Variants in MCMBP observed in about 807,000 individuals in gnomAD.
MCMBP encodes minichromosome maintenance complex binding protein, also known as mini-chromosome maintenance complex-binding protein.
MCMBP carries 31 observed loss-of-function variants against 81.3 expected under a neutral mutation model. That is an observed-to-expected ratio of 0.38 (90% CI 0.29 to 0.51). The LOEUF is 0.51. MCMBP is among the 20% of genes least tolerant of loss of function. The probability of loss-of-function intolerance (pLI) is 0.87; values close to 1 mark genes in which losing one functional copy is unlikely to be tolerated. For missense variants in MCMBP, 645 were observed against 772.1 expected (o/e 0.84, Z 1.95); for synonymous variants, 267 against 275.9 (o/e 0.97, Z 0.32).
rs374828716 is a variant in MCMBP at position 119,831,570 on chromosome 10, C to T, written c.1827G>A (p.Thr609=). 8.1e-6 allele frequency: 13 copies of T among 1,613,892 alleles called. No individual in the cohort carries two copies. In the East Asian group the frequency reaches 1.6e-4, roughly 19 times the overall value. The change falls in exon 16 of 16, where the codon ACG becomes ACA. Residue 609 remains threonine (T), a synonymous_variant. Transcript: ENST00000369077. ...CTCTCAGCCATCGTTCTCTTGACAG[C>T]GTTGTCTGACCAGCACTGAGAGACA... is the stretch of plus-strand genomic sequence containing the variant. ...RCLSLSAGQT[T]LSRERWLRAK...
chr10:119,849,646 G>A, intron 6 of MCMBP, 70 bp from the exon 7 acceptor site: 2 of 1,418,388 alleles, frequency 1.4e-6, no homozygotes, highest in Non-Finnish European at 1.9e-6. Context: ...CATTCCATAA[G>A]TGCCTTTCAA....
chr10:119,840,691 A>G, intron 11 of MCMBP, 152 bp downstream of exon 11: 1 of 497,516 alleles, frequency 2.0e-6, no homozygotes, highest in Non-Finnish European at 3.4e-6. Flanking sequence ...AGGGGAACGT[A>G]CATTTTAAAT....
intron 10 of MCMBP, 132 bp from the exon 11 acceptor site, chr10:119,841,092 T>C (rs1286199783): frequency 3.0e-6 from 2 of 663,278 alleles, no homozygotes; most frequent in East Asian, 2.7e-5. Context: ...AGTTATTTTA[T>C]CAGAATAACA....
intron 5 of MCMBP, among the ~76,000 whole-genome samples, chr10:119,855,685 G>C (rs1853012582): frequency 1.3e-5 from 2 of 151,796 alleles, no homozygotes; most frequent in South Asian, 4.2e-4. Context: ...AAAAAAAAAG[G>C]CTAGAAAAAG....
chr10:119,836,973 C>T lies in MCMBP; in HGVS notation c.1465G>A (p.Asp489Asn). ...NLITWQKVDY[D>N]FSYHQMEFPC... Reference sequence around the variant, plus strand: ...AATTCCATCTGATGGTAGCTGAAGTCATAATCCACCTTCTGCCACGTTATG... The same window carrying T: ...AATTCCATCTGATGGTAGCTGAAGTTATAATCCACCTTCTGCCACGTTATG... The change falls in exon 13 of 16, where the codon GAC (aspartate) becomes AAC (asparagine). Residue 489 changes from aspartate to asparagine, a missense_variant. Asp to Asn is a conservative substitution (Grantham distance 23, BLOSUM62 1). Coordinates refer to ENST00000369077, the MANE Select transcript of MCMBP (RefSeq NM_001256378.2). 6.2e-7 allele frequency: 1 copy of T among 1,613,748 alleles called. No homozygotes were observed. Among genetic ancestry groups the T allele is most frequent in the Non-Finnish European group, 8.5e-7 (1 of 1,179,844 alleles).
At chr10:119,871,356 T>C (rs1853664758) in intron 1 of MCMBP, among the ~76,000 whole-genome samples, 1 of 151,950 alleles carries the variant, frequency 6.6e-6, no homozygotes, top group Non-Finnish European at 1.5e-5. Context: ...TTTTTTTTTT[T>C]CAAGTATGAA....
At chr10:119,847,478 G>A (rs1438622920) in intron 8 of MCMBP, 135 bp downstream of exon 8, 9 of 488,034 alleles carry the variant, frequency 1.8e-5, no homozygotes, top group Non-Finnish European at 3.2e-5. Flanking sequence ...CAAAACACAT[G>A]GGGTGCAAGT....
chr10:119,868,421 G>A (rs546256990), intron 1 of MCMBP, among the ~76,000 whole-genome samples: 139 of 152,236 alleles, frequency 9.1e-4, no homozygotes, highest in African/African-American at 3.1e-3. Flanking sequence ...GCAAGACACT[G>A]ACTCCAGAAA....
intron 6 of MCMBP, among the ~76,000 whole-genome samples, chr10:119,850,136 C>T (rs1852756162): frequency 6.6e-6 from 1 of 152,160 alleles, no homozygotes; most frequent in African/African-American, 2.4e-5. Flanking sequence ...TATAGCCTGC[C>T]ATACCACGAA....
chr10:119,869,511 G>A (rs1044941773), intron 1 of MCMBP, among the ~76,000 whole-genome samples: 21 of 151,350 alleles, frequency 1.4e-4, no homozygotes, highest in African/African-American at 5.1e-4. Context: ...GGCAGAGGCT[G>A]CAGTGAGCCA....
intron 12 of MCMBP, 118 bp from the exon 13 acceptor site, chr10:119,837,147 C>T (rs965126379): frequency 1.4e-5 from 14 of 1,029,808 alleles, no homozygotes; most frequent in East Asian, 2.5e-5. Flanking sequence ...GGGTATGAGG[C>T]GCTGTCCAGT....
In MCMBP at chr10:119,850,566, G is replaced by A. The variant is rs940015761; in HGVS notation, c.575-990C>T. Among the ~76,000 whole-genome samples the A allele has an allele frequency of 1.4e-4, 21 of 151,956 alleles. 1 individual carries two copies. In the East Asian group the frequency reaches 2.1e-3, roughly 16 times the overall value. On this transcript the variant is annotated intron_variant, in intron 6 of 15. Coordinates refer to ENST00000369077, the MANE Select transcript of MCMBP (RefSeq NM_001256378.2). The stretch of plus-strand genomic sequence containing the variant: ...AGATTGAGACCATCCTGGCTAACAC[G>A]GTGAAACCCCGTCTCTACTAAAAAT...
intron 11 of MCMBP, among the ~76,000 whole-genome samples, 163 bp downstream of exon 11, chr10:119,840,680 T>C (rs1010098314): frequency 6.6e-6 from 1 of 152,250 alleles, no homozygotes; most frequent in Non-Finnish European, 1.5e-5. Flanking sequence ...GTGAAATGTT[T>C]AGGGGAACGT....
intron 10 of MCMBP, 62 bp from the exon 11 acceptor site, chr10:119,841,022 G>C: frequency 1.1e-6 from 1 of 947,668 alleles, no homozygotes; most frequent in Non-Finnish European, 1.7e-6. Flanking sequence ...CTATCAAATA[G>C]CGAAGAATAG....
At chr10:119,838,055 C>T (rs957393969) in intron 12 of MCMBP, among the ~76,000 whole-genome samples, 6 of 151,710 alleles carry the variant, frequency 4.0e-5, no homozygotes, top group African/African-American at 1.5e-4. Flanking sequence ...TATACAACTA[C>T]GCAAAAGAAC....
intron 1 of MCMBP, among the ~76,000 whole-genome samples, chr10:119,868,943 C>A (rs1176367419): frequency 6.6e-6 from 1 of 152,096 alleles, no homozygotes; most frequent in Non-Finnish European, 1.5e-5. Context: ...AGTCTCAGAG[C>A]AAGGCAAGGG....
intron 11 of MCMBP, 139 bp from the exon 12 acceptor site, chr10:119,838,839 G>C (rs1421427717): frequency 1.5e-6 from 1 of 647,860 alleles, no homozygotes; most frequent in African/African-American, 1.8e-5. Flanking sequence ...ATGGTTTCTT[G>C]AACTCCAGAA....
intron 11 of MCMBP, 109 bp downstream of exon 11, chr10:119,840,734 A>ATAAGATCT: frequency 1.7e-6 from 1 of 593,854 alleles, no homozygotes; most frequent in Non-Finnish European, 2.8e-6. Context: ...TTCCCCTTAA[A>ATAAGATCT]TAAGATCTAT....
chr10:119,859,883 G>T lies in MCMBP; in HGVS notation c.60C>A (p.Ala20=). The T allele has an allele frequency of 6.2e-7, 1 of 1,607,480 alleles. No homozygotes were observed. The highest frequency in any genetic ancestry group is 8.5e-7 in the Non-Finnish European group (1 of 1,176,522). The change falls in exon 2 of 16, where the codon GCC becomes GCA. Residue 20 remains alanine (A), a splice_region_variant and synonymous_variant. Transcript: ENST00000369077. ...CCCAGTCAGGATTAACTCCATTTTG[G>T]GCTGAAAGAGAAATATACTTTTCAA... The part of the protein sequence containing the change: ...HPLGIVQGFF[A]QNGVNPDWEK...
Sources: gnomAD v4.1 joint callset for allele counts (sites outside exome capture counted in the v4.1 genomes callset) on GRCh38, gnomAD v4.1.1 for gene constraint, MANE v1.5 for transcripts, NCBI Gene and HGNC (gene_info 2026-07-23, HGNC 2026-07-21) for gene names.